Variants in RCC1L observed in about 807,000 individuals in gnomAD.
RCC1L encodes the protein RCC1 like, also known as RCC1-like G exchanging factor-like protein.
Under a neutral mutation model 58.6 loss-of-function variants are expected in RCC1L, and 46 were observed. The observed-to-expected ratio is 0.79, with a 90% CI of 0.62 to 1.00. RCC1L has a LOEUF of 1.00. Ranked by LOEUF, RCC1L falls within the 50% of genes least tolerant of loss-of-function variation. The pLI, the probability that RCC1L is intolerant of heterozygous loss-of-function variation, is 0.00. For synonymous variants in RCC1L, 281 were observed against 262.9 expected (o/e 1.07, Z -0.67); for missense variants, 636 against 623.6 (o/e 1.02, Z -0.21).
chr7:75,040,589 C>T (rs955828882), downstream of RCC1L, among the ~76,000 whole-genome samples: 2 of 152,226 alleles, frequency 1.3e-5, no homozygotes, highest in East Asian at 3.9e-4. Flanking sequence ...CCGAACCCCG[C>T]CCAGTGTGAC....
At chr7:75,062,095 C>T (rs1011954241) in intron 5 of RCC1L, among the ~76,000 whole-genome samples, 16 of 151,990 alleles carry the variant, frequency 1.1e-4, no homozygotes, top group African/African-American at 2.9e-4. Context: ...GTCTGAGGCA[C>T]GAGAATCGCT....
At chr7:75,055,848 GAC>G (rs782551044) in intron 9 of RCC1L, 51 bp downstream of exon 9, 34 of 1,608,660 alleles carry the variant, frequency 2.1e-5, no homozygotes, top group Non-Finnish European at 2.8e-5. Context: ...TTGAACTGGA[GAC>G]AGAGAACCTC....
intron 2 of RCC1L, 138 bp from the exon 3 acceptor site, chr7:75,066,930 G>C: frequency 8.2e-7 from 1 of 1,213,178 alleles, no homozygotes; most frequent in South Asian, 1.7e-5. Flanking sequence ...GTTAGGCGCA[G>C]AGCAAGGACC....
intron 9 of RCC1L, 154 bp downstream of exon 9, chr7:75,055,747 C>CA: frequency 1.2e-6 from 1 of 862,646 alleles, no homozygotes; most frequent in East Asian, 2.7e-5. Context: ...TCGAGGCAAA[C>CA]AACTTCTGGC....
rs952965898 is a variant in RCC1L, at chr7:75,027,789, C to T, written c.*243G>A. On this transcript the variant is annotated 3_prime_UTR_variant, in exon 11 of 11. Coordinates refer to the RCC1L transcript ENST00000614461. ...TCGTGTAAAGCTTGGTTTATCTTCT[C>T]GGCGTTCTGTGTGTAGCGTAGTCTT... 194 of 558,070 alleles carry T rather than the reference C, an allele frequency of 3.5e-4. 5 individuals carry two copies. The South Asian group carries it at 3.6e-3, about 10-fold the overall frequency. The allele number at this position is 558,070 out of a possible 1,614,324, so 34.6% of individuals were successfully genotyped here.
At chr7:75,031,683 A>C (rs983440883) in intron 10 of RCC1L, among the ~76,000 whole-genome samples, 3 of 152,078 alleles carry the variant, frequency 2.0e-5, no homozygotes, top group Non-Finnish European at 2.9e-5. Context: ...CCAGAGCCGG[A>C]GGGGTTGTAT....
chr7:75,028,213 T>C, intron 10 of RCC1L: 2 of 836,188 alleles, frequency 2.4e-6, no homozygotes, highest in Non-Finnish European at 3.6e-6. Context: ...CTCCACTTCC[T>C]GGGTTCAAGC....
downstream of RCC1L, among the ~76,000 whole-genome samples, chr7:75,040,153 T>C (rs1805520804): frequency 4.6e-5 from 7 of 152,162 alleles, no homozygotes; most frequent in Non-Finnish European, 8.8e-5. Flanking sequence ...CTGCTTGCTA[T>C]GTCCAAAGTC....
downstream of RCC1L, among the ~76,000 whole-genome samples, chr7:75,038,692 C>T (rs1005382715): frequency 6.6e-6 from 1 of 152,124 alleles, no homozygotes; most frequent in Non-Finnish European, 1.5e-5. Flanking sequence ...GGATCAGGGC[C>T]TGTGGGTAGT....
intron 10 of RCC1L, among the ~76,000 whole-genome samples, chr7:75,046,075 C>T (rs1805711358): frequency 6.6e-6 from 1 of 152,228 alleles, no homozygotes; most frequent in Non-Finnish European, 1.5e-5. Flanking sequence ...GGCGCCGACC[C>T]CGGAGCTTTG....
intron 10 of RCC1L, among the ~76,000 whole-genome samples, chr7:75,036,167 A>G (rs1355324020): frequency 2.2e-5 from 3 of 134,532 alleles, no homozygotes; most frequent in Admixed American, 8.6e-5. Flanking sequence ...CCCAAGCTGG[A>G]GTGCAATGGT....
intron 9 of RCC1L, among the ~76,000 whole-genome samples, chr7:75,053,729 T>C (rs2131989549): frequency 6.6e-6 from 1 of 152,218 alleles, no homozygotes; most frequent in Middle Eastern, 3.4e-3. Flanking sequence ...CATGTCACCA[T>C]CAGCTGTTGG....
intron 1 of RCC1L, 136 bp downstream of exon 1, chr7:75,073,278 A>T: frequency 2.2e-6 from 1 of 448,876 alleles, no homozygotes; most frequent in Non-Finnish European, 3.8e-6. Flanking sequence ...CTGGGCTTGC[A>T]GCCAGCTCGA....
Position 75,043,083 on chromosome 7 carries a change from G to A in RCC1L, c.1344C>T (p.Asp448=), listed in dbSNP as rs1018565586. ...CCATGTGGTCCACGCCACATGCCACGTCCACAGGCTCCCCAGGCATCGTCA... is the reference window on the plus strand; with the variant it reads ...CCATGTGGTCCACGCCACATGCCACATCCACAGGCTCCCCAGGCATCGTCA... The part of the protein sequence containing the change: ...WRVTMPGEPV[D]VACGVDHMVT... The change falls in exon 11 of 11, where the codon GAC becomes GAT. Residue 448 remains aspartate (D), a synonymous_variant. Coordinates refer to ENST00000610322, the MANE Select transcript of RCC1L (RefSeq NM_030798.5). 43 of 1,613,912 alleles carry A rather than the reference G, an allele frequency of 2.7e-5. No homozygotes were observed. Among genetic ancestry groups the A allele is most frequent in the East Asian group, 4.5e-5 (2 of 44,896 alleles).
chr7:75,055,666 G>A (rs1344714307), intron 9 of RCC1L: 5 of 570,518 alleles, frequency 8.8e-6, no homozygotes, highest in South Asian at 4.1e-5. Flanking sequence ...GCACGTTCAC[G>A]TTAGCCTACC....
chr7:75,036,410 C>T (rs1434339322), intron 10 of RCC1L, among the ~76,000 whole-genome samples: 1 of 151,876 alleles, frequency 6.6e-6, no homozygotes, highest in Non-Finnish European at 1.5e-5. Flanking sequence ...GCGTGAGCCA[C>T]CACACCCTGC....
chr7:75,054,883 C>G (rs1554443692), intron 9 of RCC1L, among the ~76,000 whole-genome samples: 1 of 152,230 alleles, frequency 6.6e-6, no homozygotes, highest in South Asian at 2.1e-4. Flanking sequence ...ATGACCACTG[C>G]CACTTCAGTG....
At chr7:75,037,557 T>C (rs1311727562), downstream of RCC1L, among the ~76,000 whole-genome samples, 1 of 142,896 alleles carries the variant, frequency 7.0e-6, no homozygotes, top group Non-Finnish European at 1.5e-5. Context: ...CAGGCTGGAG[T>C]GCAGTGGCTC....
downstream of RCC1L, chr7:75,042,030 T>A (rs915068850): frequency 2.5e-6 from 1 of 399,256 alleles, no homozygotes; most frequent in East Asian, 1.6e-4. Context: ...CTAAGCAACA[T>A]AGCAAGACCT....
Sources: allele counts gnomAD v4.1 joint callset (sites outside exome capture counted in the v4.1 genomes callset), GRCh38; gene constraint gnomAD v4.1.1; transcripts MANE v1.5; gene names NCBI Gene and HGNC (gene_info 2026-07-23, HGNC 2026-07-21).